MYO5C: variants seen among roughly 807,000 people sequenced by gnomAD.
MYO5C encodes unconventional myosin-Vc.
A neutral mutation model predicts 235.7 loss-of-function variants in MYO5C; 194 were observed. The observed-to-expected ratio is 0.82, with a 90% CI of 0.73 to 0.93. The LOEUF is 0.93. Among genes scored for constraint, MYO5C ranks in the 40% least tolerant of loss-of-function variants. The pLI is 0.00. For missense variants in MYO5C, 2,038 were observed against 2,127.2 expected (o/e 0.96, Z 0.82); for synonymous variants, 707 against 754.8 (o/e 0.94, Z 1.04).
intron 29 of MYO5C, among the ~76,000 whole-genome samples, chr15:52,222,493 C>T (rs559176020): frequency 3.3e-5 from 5 of 152,112 alleles, no homozygotes; most frequent in Non-Finnish European, 7.4e-5. Flanking sequence ...GCCAAGAGAA[C>T]AAGGCAGAGA....
intron 1 of MYO5C, among the ~76,000 whole-genome samples, chr15:52,285,373 G>GAA (rs146144623): frequency 7.5e-5 from 11 of 145,954 alleles, no homozygotes; most frequent in African/African-American, 1.3e-4. Context: ...TGTCTCAAAT[G>GAA]AAAAAAAAAC....
chr15:52,277,176 T>C (rs758363224), intron 4 of MYO5C: 5 of 529,682 alleles, frequency 9.4e-6, no homozygotes, highest in South Asian at 4.2e-5. Context: ...AGCCCTGTTC[T>C]ACAGCCCTGA....
At chr15:52,257,003 G>A (rs981958975) in intron 10 of MYO5C, 5 of 263,280 alleles carry the variant, frequency 1.9e-5, no homozygotes, top group African/African-American at 1.1e-4. Flanking sequence ...CACAACAACA[G>A]TGATATTGGC....
intron 24 of MYO5C, among the ~76,000 whole-genome samples, chr15:52,230,985 G>A (rs1347416682): frequency 5.3e-5 from 8 of 151,386 alleles, no homozygotes; most frequent in Admixed American, 2.6e-4. Flanking sequence ...CTGCCACCAC[G>A]CCCAGCCAAT....
At chr15:52,227,302 C>A (rs1566969839) in intron 25 of MYO5C, among the ~76,000 whole-genome samples, 1 of 150,192 alleles carries the variant, frequency 6.7e-6, no homozygotes, top group Non-Finnish European at 1.5e-5. Flanking sequence ...TCAAGCGACC[C>A]TCCTGCCTCA....
At chr15:52,244,705 T>G in intron 18 of MYO5C, 138 bp from the exon 19 acceptor site, 1 of 635,096 alleles carries the variant, frequency 1.6e-6, no homozygotes, top group East Asian at 2.7e-5. Flanking sequence ...ACTCACATCA[T>G]GATCTAGAAA....
intron 2 of MYO5C, among the ~76,000 whole-genome samples, chr15:52,281,491 G>A (rs1027937122): frequency 1.3e-5 from 2 of 152,232 alleles, no homozygotes; most frequent in Non-Finnish European, 1.5e-5. Context: ...AGAACCTTGT[G>A]CACAGGAGAC....
chr15:52,259,391 G>C (rs963790816), intron 10 of MYO5C, among the ~76,000 whole-genome samples: 2 of 141,012 alleles, frequency 1.4e-5, no homozygotes, highest in African/African-American at 5.3e-5. Flanking sequence ...CTGCACTCCA[G>C]CCTGGGCAAC....
intron 3 of MYO5C, 89 bp from the exon 4 acceptor site, chr15:52,279,106 G>T (rs926738338): frequency 1.1e-5 from 15 of 1,374,558 alleles, no homozygotes; most frequent in Non-Finnish European, 1.4e-5. Context: ...CAGCTCTGTC[G>T]CTTATTAAAC....
At chr15:52,247,068 A>G (rs1235216769) in intron 15 of MYO5C, 54 bp from the exon 16 acceptor site, 1 of 1,501,914 alleles carries the variant, frequency 6.7e-7, no homozygotes, top group Non-Finnish European at 9.2e-7. Flanking sequence ...TACTGCTTAC[A>G]TCACGGTAAA....
intron 9 of MYO5C, among the ~76,000 whole-genome samples, chr15:52,261,571 T>C (rs1278944035): frequency 6.6e-6 from 1 of 152,194 alleles, no homozygotes; most frequent in Non-Finnish European, 1.5e-5. Context: ...TTTGCCTGGA[T>C]GGTTGGTCCA....
chr15:52,228,167 G>A (rs1215550304), intron 25 of MYO5C, among the ~76,000 whole-genome samples: 1 of 149,786 alleles, frequency 6.7e-6, no homozygotes, highest in Non-Finnish European at 1.5e-5. Flanking sequence ...TTTTTGAGAC[G>A]GAGTCTCGGT....
Position 52,251,535 on chromosome 15 carries a change from C to A in MYO5C, c.1537-20G>T, listed in dbSNP as rs1596193259. 6.3e-7 allele frequency: 1 copy of A among 1,577,516 alleles called. No homozygotes were observed. The highest frequency in any genetic ancestry group is 8.6e-7 in the Non-Finnish European group (1 of 1,161,354). ...TGGTAACTGGAAAAGAAAAATAAACCAAATAGCAAGTAAGAAAACCAGAGA... is the reference window on the plus strand; with the variant it reads ...TGGTAACTGGAAAAGAAAAATAAACAAAATAGCAAGTAAGAAAACCAGAGA... On this transcript the variant is annotated intron_variant, in intron 12 of 40. Coordinates refer to ENST00000261839, the MANE Select transcript of MYO5C (RefSeq NM_018728.4).
intron 1 of MYO5C, among the ~76,000 whole-genome samples, chr15:52,289,226 G>C (rs534470374): frequency 2.5e-4 from 37 of 147,088 alleles, no homozygotes; most frequent in African/African-American, 8.4e-4. Flanking sequence ...GTCCTTCCCA[G>C]CCTCTTCTCA....
At chr15:52,200,108 C>T (rs1234677343) in intron 38 of MYO5C, among the ~76,000 whole-genome samples, 1 of 152,106 alleles carries the variant, frequency 6.6e-6, no homozygotes, top group African/African-American at 2.4e-5. Context: ...CCAAGCTGGC[C>T]ACCATTTTTC....
chr15:52,242,009 CG>C, intron 20 of MYO5C, 38 bp downstream of exon 20: 1 of 1,572,794 alleles, frequency 6.4e-7, no homozygotes, highest in Non-Finnish European at 8.6e-7. Flanking sequence ...AAGGAAGGCC[CG>C]TACACCCTCC....
At chr15:52,263,205 T>C (rs1486222848) in intron 9 of MYO5C, among the ~76,000 whole-genome samples, 1 of 152,204 alleles carries the variant, frequency 6.6e-6, no homozygotes, top group Non-Finnish European at 1.5e-5. Context: ...AGACATGTTA[T>C]TGTTAATGCA....
Position 52,264,219 on chromosome 15 carries a change from C to T in MYO5C, c.1018G>A (p.Ala340Thr), listed in dbSNP as rs2036754692. Reference protein sequence around the residue: ...ILHLGNVQITAVGNERSSVSE... With the variant: ...ILHLGNVQITTVGNERSSVSE... ...ACTGAGGACCTCTCGTTGCCCACCG[C>T]GGTGATCTGCACATTGCCCAGATGT... The change falls in exon 9 of 41, where the codon GCG becomes ACG. Residue 340 changes from alanine to threonine, a missense_variant. Ala to Thr is a moderately conservative substitution (Grantham distance 58). Transcript: ENST00000261839. 8.7e-6 allele frequency: 14 copies of T among 1,613,776 alleles called. No individual in the cohort carries two copies. The highest frequency in any genetic ancestry group is 2.2e-5 in the South Asian group (2 of 91,066).
At position 52,260,952 on chromosome 15, in the gene MYO5C, T is replaced by A. The variant is rs1226883637; in HGVS notation, c.1223A>T (p.His408Leu). ...TCTCTCCACAATGAAGTCGAACAGG[T>A]GAGCATAGATCTTTTTGGCCAGTGC... The part of the protein sequence containing the change: ...RDALAKKIYA[H>L]LFDFIVERIN... Residue 408 changes from histidine to leucine, a missense_variant, in exon 10 of 41, where the codon CAC (histidine) becomes CTC (leucine). Coordinates refer to ENST00000261839, the MANE Select transcript of MYO5C (RefSeq NM_018728.4). The A allele has an allele frequency of 1.2e-6, 2 of 1,614,168 alleles. No homozygotes were observed. The highest frequency in any genetic ancestry group is 3.3e-5 in the Admixed American group (2 of 60,028).
Sources: gnomAD v4.1 joint callset for allele counts (sites outside exome capture counted in the v4.1 genomes callset) on GRCh38, gnomAD v4.1.1 for gene constraint, MANE v1.5 for transcripts, NCBI Gene and HGNC (gene_info 2026-07-23, HGNC 2026-07-21) for gene names.